GPR107: variants seen among roughly 807,000 people sequenced by gnomAD.
The protein encoded by GPR107 is G protein-coupled receptor 107, also known as protein GPR107.
GPR107 carries 31 observed loss-of-function variants against 75.5 expected under a neutral mutation model. The ratio of observed to expected loss-of-function variants is 0.41; its 90% CI spans 0.31 to 0.55. The LOEUF (loss-of-function observed/expected upper bound fraction) is 0.55. Among genes scored for constraint, GPR107 ranks in the 20% least tolerant of loss-of-function variants. The pLI is 0.26. For missense variants in GPR107, 572 were observed against 665.7 expected (o/e 0.86, Z 1.55); for synonymous variants, 267 against 251.3 (o/e 1.06, Z -0.59).
intron 1 of GPR107, among the ~76,000 whole-genome samples, chr9:130,054,382 C>T (rs1829680266): frequency 6.6e-6 from 1 of 152,228 alleles, no homozygotes. Flanking sequence ...ATTCCTCACT[C>T]AGGGCAGCCC....
intron 7 of GPR107, among the ~76,000 whole-genome samples, chr9:130,087,884 A>G (rs1830651473): frequency 6.6e-6 from 1 of 151,720 alleles, no homozygotes; most frequent in South Asian, 2.1e-4. Flanking sequence ...GTACTGACAA[A>G]TGCATATATA....
intron 5 of GPR107, among the ~76,000 whole-genome samples, chr9:130,080,072 T>A (rs866105418): frequency 4.7e-4 from 71 of 152,236 alleles, no homozygotes; most frequent in African/African-American, 1.6e-3. Context: ...TAATTTTATA[T>A]ACATGCCTGA....
At chr9:130,127,352 G>A (rs4836690) in intron 15 of GPR107, 131 bp from the exon 16 acceptor site, 640,422 of 652,332 alleles carry the variant, frequency 0.98, 314,521 homozygotes, top group East Asian at 1. Flanking sequence ...AATTCACACT[G>A]TAAGTGTCAC....
chr9:130,092,380 C>T lies in GPR107; in HGVS notation c.862C>T (p.Arg288Trp), dbSNP rs73541510. The T allele has an allele frequency of 2.3e-4, 364 of 1,610,742 alleles. No individual in the cohort carries two copies. The East Asian group carries it at 5.3e-3, about 23-fold the overall frequency. The change falls in exon 9 of 18, where the codon CGG (arginine) becomes TGG (tryptophan). Residue 288 changes from arginine to tryptophan, a missense_variant and splice_region_variant. By Grantham distance (101) the Arg-to-Trp change is moderately radical. Transcript: ENST00000347136. Reference sequence around the variant, plus strand: ...CTGGATTCATATCCTTCGAAAACGACGGTAAACTATTTCTCCCTTCAACTT... The same window carrying T: ...CTGGATTCATATCCTTCGAAAACGATGGTAAACTATTTCTCCCTTCAACTT... ...TIWIHILRKRRNDVFKIHWLM... is the reference protein window; with the variant it reads ...TIWIHILRKRWNDVFKIHWLM...
intron 17 of GPR107, chr9:130,129,004 T>C (rs987936535): frequency 8.7e-5 from 35 of 402,794 alleles, no homozygotes; most frequent in Non-Finnish European, 1.5e-4. Context: ...CTAAGCATCA[T>C]TGGAGCCTGC....
chr9:130,090,970 C>T lies in GPR107; in HGVS notation c.716C>T (p.Thr239Ile), dbSNP rs1014816104. The change falls in exon 8 of 18, where the codon ACA becomes ATA. Residue 239 changes from threonine to isoleucine, a missense_variant. By Grantham distance (89) the Thr-to-Ile change is moderately conservative. Transcript: ENST00000347136. ...AAAGAATTGCCAAGTGACAAGTTTACATTCAGCCTTGATGTGAGTACTGTT... is the reference window on the plus strand; with the variant it reads ...AAAGAATTGCCAAGTGACAAGTTTATATTCAGCCTTGATGTGAGTACTGTT... ...LGKELPSDKF[T>I]FSLDIEITEK... The T allele has an allele frequency of 1.8e-5, 26 of 1,434,526 alleles. No homozygotes were observed. Among genetic ancestry groups the T allele is most frequent in the Non-Finnish European group, 2.6e-5 (26 of 1,018,468 alleles). The allele number at this position is 1,434,526 out of a possible 1,614,324, so 88.9% of individuals were successfully genotyped here. A position where few individuals can be genotyped will look rare whatever the true frequency, so the allele number is the denominator to read the frequency against.
chr9:130,114,221 T>C (rs920640061), intron 14 of GPR107, among the ~76,000 whole-genome samples: 6 of 143,542 alleles, frequency 4.2e-5, no homozygotes, highest in African/African-American at 1.5e-4. Context: ...ATACAAAAAT[T>C]AGCTGAGCGT....
At chr9:130,101,572 A>G (rs1211818689) in intron 12 of GPR107, among the ~76,000 whole-genome samples, 9 of 152,252 alleles carry the variant, frequency 5.9e-5, no homozygotes, top group Admixed American at 5.9e-4. Flanking sequence ...AGATGTAGTG[A>G]TTTTATTAAC....
At chr9:130,077,575 A>G (rs1292565901) in intron 4 of GPR107, among the ~76,000 whole-genome samples, 197 bp downstream of exon 4, 5 of 152,196 alleles carry the variant, frequency 3.3e-5, no homozygotes, top group African/African-American at 4.8e-5. Context: ...ATCACCGCCA[A>G]ACAGAGAAGT....
chr9:130,091,041 T>G, intron 8 of GPR107, 58 bp downstream of exon 8: 1 of 758,826 alleles, frequency 1.3e-6, no homozygotes, highest in South Asian at 1.5e-5. Flanking sequence ...ACGGGAGATT[T>G]GTTTCTGTAT....
chr9:130,079,494 A>G (rs2132567266), intron 4 of GPR107, 136 bp from the exon 5 acceptor site: 3 of 621,204 alleles, frequency 4.8e-6, no homozygotes, highest in South Asian at 6.4e-5. Context: ...TGGTATCTGT[A>G]GAATGTGGAT....
At chr9:130,072,509 G>A (rs1218859251) in intron 1 of GPR107, among the ~76,000 whole-genome samples, 3 of 152,010 alleles carry the variant, frequency 2.0e-5, no homozygotes. Context: ...GTGAGCCACC[G>A]CGCCCGGCCT....
At chr9:130,132,280 C>T (rs1831845986) in intron 17 of GPR107, among the ~76,000 whole-genome samples, 1 of 152,198 alleles carries the variant, frequency 6.6e-6, no homozygotes, top group Non-Finnish European at 1.5e-5. Flanking sequence ...CCCCTGGAGA[C>T]TCTGATTCTC....
chr9:130,082,721 C>T (rs1015428204), intron 5 of GPR107, among the ~76,000 whole-genome samples: 3 of 151,866 alleles, frequency 2.0e-5, no homozygotes, highest in African/African-American at 7.3e-5. Context: ...CCTCATGATC[C>T]GCCCATCTCA....
At chr9:130,134,701 G>A (rs938047264) in intron 17 of GPR107, among the ~76,000 whole-genome samples, 2 of 152,216 alleles carry the variant, frequency 1.3e-5, no homozygotes, top group South Asian at 2.1e-4. Context: ...ATATCTGTGC[G>A]CCACAAAAAT....
chr9:130,120,514 C>T (rs552316809), intron 14 of GPR107, among the ~76,000 whole-genome samples: 17 of 152,310 alleles, frequency 1.1e-4, no homozygotes, highest in African/African-American at 4.1e-4. Context: ...AGGAGAGACC[C>T]GTCAGACTTT....
At chr9:130,115,938 G>C (rs949378773) in intron 14 of GPR107, among the ~76,000 whole-genome samples, 4 of 152,106 alleles carry the variant, frequency 2.6e-5, no homozygotes, top group African/African-American at 9.7e-5. Context: ...TTAATACAGT[G>C]ATTTTAAATT....
At chr9:130,089,179 A>G (rs1406652305) in intron 7 of GPR107, among the ~76,000 whole-genome samples, 1 of 152,126 alleles carries the variant, frequency 6.6e-6, no homozygotes, top group East Asian at 1.9e-4. Flanking sequence ...CAAAAAAAAA[A>G]AAGTTTTTCA....
intron 9 of GPR107, among the ~76,000 whole-genome samples, chr9:130,098,184 A>G (rs1392853595): frequency 6.6e-6 from 1 of 152,310 alleles, no homozygotes; most frequent in Non-Finnish European, 1.5e-5. Flanking sequence ...ACCTAGCCTC[A>G]TAATAGTCTT....
Sources: gnomAD v4.1 joint callset for allele counts (sites outside exome capture counted in the v4.1 genomes callset) on GRCh38, gnomAD v4.1.1 for gene constraint, MANE v1.5 for transcripts, NCBI Gene and HGNC (gene_info 2026-07-23, HGNC 2026-07-21) for gene names.